The following PTCHD4 variants were observed in gnomAD, a reference collection of about 807,000 sequenced individuals.
PTCHD4 encodes patched domain-containing protein 4.
PTCHD4 carries 33 observed loss-of-function variants against 58.1 expected under a neutral mutation model. The ratio of observed to expected loss-of-function variants is 0.57; its 90% confidence interval spans 0.43 to 0.76. PTCHD4 has a LOEUF of 0.76. Ranked by LOEUF, PTCHD4 falls within the 30% of genes least tolerant of loss-of-function variation. The probability of loss-of-function intolerance (pLI) is 0.00; values close to 1 mark genes in which losing one functional copy is unlikely to be tolerated. For missense variants in PTCHD4, 1,058 were observed against 1,027.1 expected (o/e 1.03, Z -0.41); for synonymous variants, 478 against 409.6 (o/e 1.17, Z -2.02).
Position 48,068,734 on chromosome 6 carries a change from C to G in PTCHD4, c.6-93G>C. On this transcript the variant is annotated intron_variant, in intron 2 of 4. Transcript: ENST00000339488. The surrounding 1 kb of genome is among the most constrained non-coding windows in gnomAD (Gnocchi z 4.2). Reference sequence around the variant, plus strand: ...GCCAGTCCCCCCTCCCCACCGCCGCCGCCTCCCCACCCACTCCGCGCTCAC... The same window carrying G: ...GCCAGTCCCCCCTCCCCACCGCCGCGGCCTCCCCACCCACTCCGCGCTCAC... 2 of 1,270,964 alleles carry G rather than the reference C, an allele frequency of 1.6e-6. No individual in the cohort carries two copies. Among genetic ancestry groups the G allele is most frequent in the Non-Finnish European group, 2.1e-6 (2 of 940,458 alleles). The allele number at this position is 1,270,964 out of a possible 1,614,324, so 78.7% of individuals were successfully genotyped here. A position where few individuals can be genotyped will look rare whatever the true frequency, so the allele number is the denominator to read the frequency against.
chr6:47,959,755 C>T (rs1484111931), intron 4 of PTCHD4, among the ~76,000 whole-genome samples: 1 of 151,566 alleles, frequency 6.6e-6, no homozygotes, highest in East Asian at 1.9e-4. Flanking sequence ...AATGGAACAA[C>T]CTCTTTAAAA....
chr6:47,885,381 T>C (rs1764159067), intron 4 of PTCHD4, among the ~76,000 whole-genome samples: 1 of 152,146 alleles, frequency 6.6e-6, no homozygotes, highest in Admixed American at 6.5e-5. Context: ...AAAACCTACA[T>C]GGCAGCTTGC....
chr6:47,924,803 CTCAACTAAT>C (rs1581886711), intron 4 of PTCHD4, among the ~76,000 whole-genome samples: 1 of 152,002 alleles, frequency 6.6e-6, no homozygotes, highest in East Asian at 1.9e-4. Context: ...TCTCTTTTTA[CTCAACTAAT>C]TCAAGCCTCT....
At chr6:48,099,059 C>T (rs1343285104) in intron 1 of PTCHD4, among the ~76,000 whole-genome samples, 1 of 152,124 alleles carries the variant, frequency 6.6e-6, no homozygotes, top group African/African-American at 2.4e-5. Flanking sequence ...TCTGGAATTG[C>T]TATGACAAAG....
rs899278220 is a variant in PTCHD4, at chr6:47,859,839, G to A, written c.*18464C>T. Among the ~76,000 whole-genome samples, 5 of 151,974 alleles carry A rather than the reference G, an allele frequency of 3.3e-5. No individual in the cohort carries two copies. Among genetic ancestry groups the A allele is most frequent in the African/African-American group, 1.2e-4 (5 of 41,412 alleles). ...GAGGGAGGAAGATCTGTGGCTAACT[G>A]GGGGAAGAAGAGCATTCAGGGTGGT... On this transcript the variant is annotated 3_prime_UTR_variant, in exon 5 of 5. Transcript: ENST00000339488.
chr6:47,878,324 C>G lies in PTCHD4; in HGVS notation c.2511G>C (p.Pro837=). The G allele has an allele frequency of 6.3e-7, 1 of 1,599,782 alleles. No individual in the cohort carries two copies. Residue 837 remains proline (P), a synonymous_variant, in exon 5 of 5, where the codon CCG becomes CCC. Coordinates refer to ENST00000339488, the MANE Select transcript of PTCHD4 (RefSeq NM_001384253.1). ...EIECIEIQEN[P]DHVTTV Reference sequence around the variant, plus strand: ...CCCCTCATACTGTGGTGACGTGATCCGGGTTCTCTTGAATTTCTATGCATT... The same window carrying G: ...CCCCTCATACTGTGGTGACGTGATCGGGGTTCTCTTGAATTTCTATGCATT...
rs372750671 is a variant in PTCHD4 at position 48,085,758 on chromosome 6, G to T, written c.-969-15832C>A. Reference sequence around the variant, plus strand: ...GCCTCATTTTTGTATTTCATTTTTTGAAGAAATTCTGTCATGATAAGATAT... The same window carrying T: ...GCCTCATTTTTGTATTTCATTTTTTTAAGAAATTCTGTCATGATAAGATAT... On this transcript the variant is annotated intron_variant, in intron 1 of 4. Coordinates refer to ENST00000339488, the MANE Select transcript of PTCHD4 (RefSeq NM_001384253.1). Among the ~76,000 whole-genome samples the T allele has an allele frequency of 1.3e-3, 193 of 152,176 alleles. 4 individuals carry two copies. The South Asian group carries it at 0.039, about 30-fold the overall frequency.
intron 3 of PTCHD4, among the ~76,000 whole-genome samples, chr6:48,015,109 C>T (rs1762822806): frequency 6.6e-6 from 1 of 150,542 alleles, no homozygotes; most frequent in Admixed American, 6.6e-5. Context: ...ACCTTTATGT[C>T]CCAATAAAGA....
Position 47,859,629 on chromosome 6 carries a change from T to A in PTCHD4, c.*18674A>T, listed in dbSNP as rs1561923094. Among the ~76,000 whole-genome samples, 1 of 102,070 alleles carries A rather than the reference T, an allele frequency of 9.8e-6. No homozygotes were observed. Among genetic ancestry groups the A allele is most frequent in the South Asian group, 3.4e-4 (1 of 2,946 alleles). The allele number at this position is 102,070 out of a possible 152,430, so 67.0% of individuals were successfully genotyped here. ...TCAGGGTACTGGGCTTATAGCAGTTTACAGAGCAGAAAAATATCTCTGCCC... is the reference window on the plus strand; with the variant it reads ...TCAGGGTACTGGGCTTATAGCAGTTAACAGAGCAGAAAAATATCTCTGCCC... On this transcript the variant is annotated 3_prime_UTR_variant, in exon 5 of 5. Coordinates refer to ENST00000339488, the MANE Select transcript of PTCHD4 (RefSeq NM_001384253.1).
chr6:48,079,053 G>A (rs1015275263), intron 1 of PTCHD4, among the ~76,000 whole-genome samples: 9 of 149,314 alleles, frequency 6.0e-5, no homozygotes, highest in African/African-American at 2.0e-4. Context: ...GGGAGGCGGA[G>A]CTTGCAGTGA....
At chr6:47,885,966 C>A (rs1286801929) in intron 4 of PTCHD4, among the ~76,000 whole-genome samples, 1 of 152,100 alleles carries the variant, frequency 6.6e-6, no homozygotes, top group African/African-American at 2.4e-5. Context: ...TTACAGGCAC[C>A]TGCCACCACA....
intron 4 of PTCHD4, among the ~76,000 whole-genome samples, chr6:47,985,417 A>G (rs1043472516): frequency 1.3e-5 from 2 of 152,166 alleles, no homozygotes; most frequent in Admixed American, 1.3e-4. Context: ...TTGCAGTAGC[A>G]AAGCATATAC....
chr6:47,880,526 GT>G (rs879284734), intron 4 of PTCHD4, among the ~76,000 whole-genome samples: 4 of 145,364 alleles, frequency 2.8e-5, no homozygotes, highest in African/African-American at 7.4e-5. Flanking sequence ...CCGGATGTGA[GT>G]TTTTAAAAAA....
chr6:48,066,544 T>C lies in PTCHD4; in HGVS notation c.417+1686A>G, dbSNP rs1303584109. Among the ~76,000 whole-genome samples the C allele has an allele frequency of 2.6e-5, 4 of 152,204 alleles. No homozygotes were observed. In the East Asian group the frequency reaches 7.7e-4, roughly 29 times the overall value. ...ATTAAAAGAGTATAGGTTAGGAAGA[T>C]TACCTCTCCACCACATCCTTTTCTT... On this transcript the variant is annotated intron_variant, in intron 3 of 4. Coordinates refer to ENST00000339488, the MANE Select transcript of PTCHD4 (RefSeq NM_001384253.1).
At chr6:48,065,700 T>C (rs541943812) in intron 3 of PTCHD4, among the ~76,000 whole-genome samples, 3 of 152,182 alleles carry the variant, frequency 2.0e-5, no homozygotes, top group Non-Finnish European at 4.4e-5. Context: ...GAGATTGTGT[T>C]TGAACACTTG....
At chr6:47,963,083 C>T (rs769257480) in intron 4 of PTCHD4, among the ~76,000 whole-genome samples, 1 of 151,520 alleles carries the variant, frequency 6.6e-6, no homozygotes, top group Non-Finnish European at 1.5e-5. Flanking sequence ...GAGCCAAGAT[C>T]GTACCACTAC....
chr6:48,046,588 A>AT (rs1469932835), intron 3 of PTCHD4, among the ~76,000 whole-genome samples: 1 of 151,830 alleles, frequency 6.6e-6, no homozygotes, highest in African/African-American at 2.4e-5. Context: ...TTCTTCAGCA[A>AT]TTTCAGTTTT....
Position 47,861,570 on chromosome 6 carries a change from T to G in PTCHD4, c.*16733A>C, listed in dbSNP as rs1763426953. 6.6e-6 allele frequency among the ~76,000 whole-genome samples: 1 copy of G among 151,968 alleles called. No homozygotes were observed. Among genetic ancestry groups the G allele is most frequent in the Non-Finnish European group, 1.5e-5 (1 of 67,916 alleles). ...AAACACATCTAGTACTCATTGACAT[T>G]TATGTCCAACAAACAAAAAAATCAG... On this transcript the variant is annotated 3_prime_UTR_variant, in exon 5 of 5. Transcript: ENST00000339488.
At chr6:47,964,678 C>A (rs373278150) in intron 4 of PTCHD4, among the ~76,000 whole-genome samples, 66 of 151,898 alleles carry the variant, frequency 4.3e-4, no homozygotes, top group Middle Eastern at 3.4e-3. Flanking sequence ...GTGTTGGTAC[C>A]TGCAACAACA....
Sources: allele counts gnomAD v4.1 joint callset (sites outside exome capture counted in the v4.1 genomes callset), GRCh38; gene constraint gnomAD v4.1.1; non-coding constraint Gnocchi (gnomAD v3.1); transcripts MANE v1.5; gene names NCBI Gene and HGNC (gene_info 2026-07-23, HGNC 2026-07-21).